Variants in MBNL2 observed in about 807,000 individuals in gnomAD.
The protein encoded by MBNL2 is muscleblind-like protein 2.
MBNL2 carries 17 observed loss-of-function variants against 41.9 expected under a neutral mutation model. That is an observed-to-expected ratio of 0.41 (90% CI 0.28 to 0.61). The LOEUF is 0.61. Ranked by LOEUF, MBNL2 falls within the 20% of genes least tolerant of loss-of-function variation. The pLI, the probability that MBNL2 is intolerant of heterozygous loss-of-function variation, is 0.35. For synonymous variants in MBNL2, 195 were observed against 182.9 expected (o/e 1.07, Z -0.53); for missense variants, 336 against 505.6 (o/e 0.66, Z 3.22).
intron 1 of MBNL2, among the ~76,000 whole-genome samples, chr13:97,262,424 T>C (rs2048818754): frequency 6.6e-6 from 1 of 152,208 alleles, no homozygotes; most frequent in Non-Finnish European, 1.5e-5. Context: ...TCTCCCTCAC[T>C]GTTGCATTAT....
chr13:97,312,750 CT>C (rs2058721343), intron 2 of MBNL2, among the ~76,000 whole-genome samples: 2 of 152,174 alleles, frequency 1.3e-5, no homozygotes, highest in Admixed American at 6.5e-5. Context: ...TAAAATTCCT[CT>C]TTTGGCATTG....
the MBNL2 span, among the ~76,000 whole-genome samples, chr13:97,202,132 T>C: frequency 6.6e-6 from 1 of 152,232 alleles, no homozygotes. Flanking sequence ...GAAATGTTTG[T>C]AGTTGAAGCG....
At position 97,289,230 on chromosome 13, in the gene MBNL2, T is replaced by C. The variant is rs192090652; in HGVS notation, c.174+12821T>C. Reference sequence around the variant, plus strand: ...AAAACTTATGTGTTGAAAAGTAGAATAGAATATATAGATGCTCTTAAAAAA... The same window carrying C: ...AAAACTTATGTGTTGAAAAGTAGAACAGAATATATAGATGCTCTTAAAAAA... On this transcript the variant is annotated intron_variant, in intron 2 of 8. Coordinates refer to ENST00000679496, the MANE Select transcript of MBNL2 (RefSeq NM_001382683.1). Among the ~76,000 whole-genome samples the C allele has an allele frequency of 2.6e-5, 4 of 152,330 alleles. No homozygotes were observed. The East Asian group carries it at 7.7e-4, about 29-fold the overall frequency.
chr13:97,274,213 G>A (rs368066826), intron 1 of MBNL2, among the ~76,000 whole-genome samples: 230 of 152,176 alleles, frequency 1.5e-3, no homozygotes, highest in African/African-American at 5.2e-3. Context: ...ATTGGGCCGG[G>A]CACGGTGGCT....
At chr13:97,192,370 G>C in the MBNL2 span, among the ~76,000 whole-genome samples, 5 of 152,228 alleles carry the variant, frequency 3.3e-5, no homozygotes, top group Non-Finnish European at 5.9e-5. Context: ...GATAAGATCA[G>C]ACCTGGTCCA....
chr13:97,373,358 A>T (rs1036340322), intron 8 of MBNL2, among the ~76,000 whole-genome samples: 1 of 151,970 alleles, frequency 6.6e-6, no homozygotes, highest in African/African-American at 2.4e-5. Context: ...ACTTCAGATG[A>T]GGGAGAATTG....
At chr13:97,227,525 T>C (rs2041824311) in intron 1 of MBNL2, among the ~76,000 whole-genome samples, 1 of 152,204 alleles carries the variant, frequency 6.6e-6, no homozygotes, top group African/African-American at 2.4e-5. Context: ...TTCACAGGCA[T>C]TATCTTAATT....
chr13:97,217,424 A>T (rs1158070542), upstream of MBNL2, among the ~76,000 whole-genome samples: 1 of 152,220 alleles, frequency 6.6e-6, no homozygotes, highest in East Asian at 1.9e-4. Context: ...GTACTGTGAC[A>T]ATTGCTACGA....
the MBNL2 span, among the ~76,000 whole-genome samples, chr13:97,180,231 G>A: frequency 2.0e-5 from 3 of 152,242 alleles, no homozygotes; most frequent in African/African-American, 4.8e-5. Context: ...TGGCTTGAAC[G>A]TCTGAGAAAC....
chr13:97,300,599 C>T (rs2057520669), intron 2 of MBNL2, among the ~76,000 whole-genome samples: 2 of 152,294 alleles, frequency 1.3e-5, no homozygotes, highest in South Asian at 4.1e-4. Flanking sequence ...AACTCAGAGT[C>T]CGTAATACCT....
intron 1 of MBNL2, among the ~76,000 whole-genome samples, chr13:97,259,820 G>T (rs1032151878): frequency 1.3e-5 from 2 of 152,140 alleles, no homozygotes; most frequent in Non-Finnish European, 2.9e-5. Context: ...AAATCCCATC[G>T]AGAAGATGGA....
At chr13:97,237,164 G>A (rs1209108722) in intron 1 of MBNL2, among the ~76,000 whole-genome samples, 1 of 152,204 alleles carries the variant, frequency 6.6e-6, no homozygotes, top group Non-Finnish European at 1.5e-5. Flanking sequence ...GGAAGCACGA[G>A]TTACCAAATT....
intron 2 of MBNL2, among the ~76,000 whole-genome samples, chr13:97,325,070 A>G (rs542685263): frequency 2.2e-4 from 34 of 152,176 alleles, no homozygotes; most frequent in Non-Finnish European, 3.7e-4. Context: ...TCAAGTTGAC[A>G]CTCAATATTA....
At chr13:97,295,083 G>A (rs570591943) in intron 2 of MBNL2, among the ~76,000 whole-genome samples, 6 of 152,300 alleles carry the variant, frequency 3.9e-5, no homozygotes, top group African/African-American at 1.4e-4. Context: ...TCACCCTGGA[G>A]AAAGAAAGAT....
intron 1 of MBNL2, among the ~76,000 whole-genome samples, chr13:97,245,650 G>A (rs1298795490): frequency 6.6e-6 from 1 of 152,174 alleles, no homozygotes; most frequent in African/African-American, 2.4e-5. Flanking sequence ...TTTCTACTAA[G>A]TTGGAGGAAT....
chr13:97,347,348 C>T (rs1479391527), intron 5 of MBNL2, among the ~76,000 whole-genome samples: 2 of 152,136 alleles, frequency 1.3e-5, no homozygotes, highest in African/African-American at 2.4e-5. Context: ...TGAGTGTGCT[C>T]ACTTAGGGTC....
At chr13:97,291,995 A>G (rs1019780290) in intron 2 of MBNL2, among the ~76,000 whole-genome samples, 61 of 150,988 alleles carry the variant, frequency 4.0e-4, no homozygotes, top group Non-Finnish European at 1.0e-4. Flanking sequence ...GAGGTCAGGA[A>G]ATCGAGACCA....
At chr13:97,304,246 A>T (rs945238188) in intron 2 of MBNL2, among the ~76,000 whole-genome samples, 1 of 152,232 alleles carries the variant, frequency 6.6e-6, no homozygotes, top group African/African-American at 2.4e-5. Flanking sequence ...TATGTTATTC[A>T]AGGAGAAAAG....
the MBNL2 span, among the ~76,000 whole-genome samples, chr13:97,147,678 C>G: frequency 6.6e-6 from 1 of 152,270 alleles, no homozygotes; most frequent in South Asian, 2.1e-4. Flanking sequence ...AATAGCATTA[C>G]AGCCAGAGTC....
Sources: allele counts gnomAD v4.1 joint callset (sites outside exome capture counted in the v4.1 genomes callset), GRCh38; gene constraint gnomAD v4.1.1; transcripts MANE v1.5; gene names NCBI Gene and HGNC (gene_info 2026-07-23, HGNC 2026-07-21).